Variants in PMS1 observed in about 807,000 individuals in gnomAD.
PMS1 encodes PMS1 homolog 1, mismatch repair system component.
PMS1 carries 79 observed loss-of-function variants against 93.1 expected under a neutral mutation model. The observed-to-expected ratio is 0.85, with a 90% CI of 0.71 to 1.02. The LOEUF is 1.02. PMS1 is among the 50% of genes least tolerant of loss of function. The pLI is 0.00. For synonymous variants in PMS1, 335 were observed against 363.4 expected (o/e 0.92, Z 0.89); for missense variants, 1,064 against 1,085.3 (o/e 0.98, Z 0.28).
intron 5 of PMS1, among the ~76,000 whole-genome samples, chr2:189,828,071 C>T (rs980623614): frequency 1.3e-5 from 2 of 150,510 alleles, no homozygotes; most frequent in African/African-American, 2.5e-5. Flanking sequence ...CTGCAGGCAC[C>T]TACCACCACG....
At chr2:189,798,757 ATTT>A (rs757864750) in intron 3 of PMS1, among the ~76,000 whole-genome samples, 3 of 79,930 alleles carry the variant, frequency 3.8e-5, no homozygotes. Context: ...TAAGTATTTG[ATTT>A]TTTTTTTTTT....
chr2:189,836,930 T>TA (rs1322908813), intron 5 of PMS1, among the ~76,000 whole-genome samples: 1 of 152,204 alleles, frequency 6.6e-6, no homozygotes, highest in East Asian at 1.9e-4. Flanking sequence ...ATAGCATCCT[T>TA]GCATTAATCA....
At position 189,864,690 on chromosome 2, in the gene PMS1, ATATATATATATATATATATAT is replaced by A. The variant is rs1575353700; in HGVS notation, c.2342+463_2342+483del. On this transcript the variant is annotated intron_variant, in intron 10 of 12. Transcript: ENST00000441310. ...AAAAAAAAAAAAAAAAAAAAAAAATATATATATATATATATATATATATATATATATATATATATATATATG... is the reference window on the plus strand; with the variant it reads ...AAAAAAAAAAAAAAAAAAAAAAAATAATATATATATATATATATATATATG... Among the ~76,000 whole-genome samples the A allele has an allele frequency of 2.3e-3, 19 of 8,392 alleles. 1 individual carries two copies. The highest frequency in any genetic ancestry group is 6.6e-3 in the African/African-American group (12 of 1,806). 5.5% of individuals were successfully genotyped at this position (8,392 alleles called of 152,430 possible).
chr2:189,829,879 T>C (rs2052768223), intron 5 of PMS1, among the ~76,000 whole-genome samples: 1 of 152,228 alleles, frequency 6.6e-6, no homozygotes, highest in South Asian at 2.1e-4. Flanking sequence ...CAAGCCACCA[T>C]TATCTGTCAC....
In PMS1 at chr2:189,844,026, G is replaced by A. The variant is rs1301570199; in HGVS notation, c.645G>A (p.Gly215=). 6.2e-7 allele frequency: 1 copy of A among 1,613,982 alleles called. No individual in the cohort carries two copies. The highest frequency in any genetic ancestry group is 1.1e-5 in the South Asian group (1 of 91,076). The part of the protein sequence containing the change: ...DHKMALMSVL[G]TAVMNNMESF... ...AGATGGCTCTCATGTCAGTTCTGGG[G>A]ACTGCTGTTATGAACAATATGGAAT... The change falls in exon 6 of 13, where the codon GGG becomes GGA. Residue 215 remains glycine (G), a synonymous_variant. Coordinates refer to ENST00000441310, the MANE Select transcript of PMS1 (RefSeq NM_000534.5).
At chr2:189,859,621 A>AT (rs942577778) in intron 9 of PMS1, among the ~76,000 whole-genome samples, 3 of 151,984 alleles carry the variant, frequency 2.0e-5, no homozygotes, top group Non-Finnish European at 4.4e-5. Context: ...TGGAAGTTTC[A>AT]TTTTTCTCAT....
chr2:189,794,823 A>G (rs2049194031), intron 2 of PMS1, among the ~76,000 whole-genome samples: 1 of 152,196 alleles, frequency 6.6e-6, no homozygotes. Context: ...TTCATCTGAT[A>G]TGATGGCTCA....
At chr2:189,818,451 T>C (rs977905022) in intron 5 of PMS1, among the ~76,000 whole-genome samples, 1 of 152,168 alleles carries the variant, frequency 6.6e-6, no homozygotes, top group Non-Finnish European at 1.5e-5. Flanking sequence ...GCACCACCTA[T>C]GAACCAGAAA....
At chr2:189,791,675 G>A in intron 1 of PMS1, 115 bp from the exon 2 acceptor site, 1 of 722,470 alleles carries the variant, frequency 1.4e-6, no homozygotes, top group Admixed American at 2.0e-5. Flanking sequence ...GTTGAGCGTA[G>A]CATACAGTAA....
intron 5 of PMS1, among the ~76,000 whole-genome samples, chr2:189,819,744 C>G (rs2051661597): frequency 1.3e-5 from 2 of 151,888 alleles, no homozygotes; most frequent in South Asian, 4.2e-4. Context: ...GTTTTTTGAG[C>G]TTCTTATACC....
intron 1 of PMS1, among the ~76,000 whole-genome samples, chr2:189,788,202 T>A (rs770491571): frequency 1.8e-4 from 28 of 152,186 alleles, no homozygotes; most frequent in Non-Finnish European, 3.5e-4. Flanking sequence ...TTTTCTTAGA[T>A]CCTTGGGATT....
rs770583200 is a variant in PMS1 at position 189,854,334 on chromosome 2, C to T, written c.1062C>T (p.Ser354=). Reference sequence around the variant, plus strand: ...ATGAAAATAATAAAACAGATGTTTCCGCAGCTGACATCGTTCTTAGTAAAA... The same window carrying T: ...ATGAAAATAATAAAACAGATGTTTCTGCAGCTGACATCGTTCTTAGTAAAA... ...NSYENNKTDV[S]AADIVLSKTA... is the part of the protein sequence containing the mutation. Residue 354 remains serine (S), a synonymous_variant, in exon 9 of 13, where the codon TCC becomes TCT. Transcript: ENST00000441310. The T allele has an allele frequency of 2.0e-5, 32 of 1,597,520 alleles. No individual in the cohort carries two copies. The highest frequency in any genetic ancestry group is 8.7e-5 in the Admixed American group (5 of 57,640).
chr2:189,845,508 A>G (rs1379136890), intron 6 of PMS1, among the ~76,000 whole-genome samples: 1 of 151,962 alleles, frequency 6.6e-6, no homozygotes, highest in African/African-American at 2.4e-5. Flanking sequence ...TCATCATGTT[A>G]GCAATAAAAT....
intron 11 of PMS1, among the ~76,000 whole-genome samples, chr2:189,872,887 G>A (rs897131169): frequency 2.0e-5 from 3 of 152,226 alleles, no homozygotes; most frequent in Middle Eastern, 3.4e-3. Context: ...GCCTGCCTCG[G>A]CCTCCCAAAG....
chr2:189,837,749 G>A (rs1259870406), intron 5 of PMS1, among the ~76,000 whole-genome samples: 3 of 152,134 alleles, frequency 2.0e-5, no homozygotes, highest in Non-Finnish European at 4.4e-5. Flanking sequence ...GTTTATGGCA[G>A]CATCAGTTAT....
At chr2:189,795,478 ATTATTGT>A (rs2049269916) in intron 2 of PMS1, among the ~76,000 whole-genome samples, 1 of 152,154 alleles carries the variant, frequency 6.6e-6, no homozygotes, top group African/African-American at 2.4e-5. Context: ...TTAAACATAA[ATTATTGT>A]TTATTGTAAA....
intron 5 of PMS1, among the ~76,000 whole-genome samples, chr2:189,830,819 G>A (rs2052864948): frequency 6.6e-6 from 1 of 152,364 alleles, no homozygotes; most frequent in Non-Finnish European, 1.5e-5. Context: ...GATGGTATCA[G>A]TGTAGATTAA....
intron 5 of PMS1, among the ~76,000 whole-genome samples, chr2:189,824,745 A>G (rs1461020433): frequency 6.6e-6 from 1 of 152,120 alleles, no homozygotes; most frequent in Non-Finnish European, 1.5e-5. Flanking sequence ...CATGGACTGA[A>G]TTAGAACAAG....
At position 189,855,074 on chromosome 2, in the gene PMS1, C is replaced by A. The variant is rs2055170415; in HGVS notation, c.1802C>A (p.Ala601Glu). The change falls in exon 9 of 13, where the codon GCA becomes GAA. Residue 601 changes from alanine to glutamate, a missense_variant. Transcript: ENST00000441310. ...AATCCTAAGACTAGTTTAGAGGATG[C>A]AACACTACAAATTGAAGAACTGTGG... ...IENPKTSLED[A>E]TLQIEELWKT... The A allele has an allele frequency of 6.2e-7, 1 of 1,613,058 alleles. No homozygotes were observed. The highest frequency in any genetic ancestry group is 8.5e-7 in the Non-Finnish European group (1 of 1,179,250).
Sources: allele counts gnomAD v4.1 joint callset (sites outside exome capture counted in the v4.1 genomes callset), GRCh38; gene constraint gnomAD v4.1.1; transcripts MANE v1.5; gene names NCBI Gene and HGNC (gene_info 2026-07-23, HGNC 2026-07-21).